SLCO1B1: variants seen among roughly 807,000 people sequenced by gnomAD.
The protein encoded by SLCO1B1 is solute carrier organic anion transporter family member 1B1, also known as OATP-2.
SLCO1B1 carries 81 observed loss-of-function variants against 70.1 expected under a neutral mutation model. That is an observed-to-expected ratio of 1.16 (90% CI 0.97 to 1.39). The LOEUF (loss-of-function observed/expected upper bound fraction) is 1.39, where lower values mean the gene tolerates loss of function less well. Among genes scored for constraint, SLCO1B1 ranks in the 40% most tolerant of loss-of-function variants. The pLI is 0.00. For missense variants in SLCO1B1, 895 were observed against 799.6 expected, an observed-to-expected ratio of 1.12 and a Z score of -1.44; for synonymous variants, 283 against 271.5, an observed-to-expected ratio of 1.04 and a Z score of -0.42.
intron 2 of SLCO1B1, among the ~76,000 whole-genome samples, chr12:21,158,911 A>G (rs577083514): frequency 1.3e-3 from 200 of 152,274 alleles, no homozygotes; most frequent in Admixed American, 2.2e-3. Context: ...TGAGAAAATA[A>G]TGTTCTTCTT....
intron 14 of SLCO1B1, among the ~76,000 whole-genome samples, chr12:21,236,846 G>A (rs1941600594): frequency 6.6e-6 from 1 of 152,118 alleles, no homozygotes; most frequent in African/African-American, 2.4e-5. Flanking sequence ...ATCTTGAAAA[G>A]AACTTGACTT....
intron 11 of SLCO1B1, among the ~76,000 whole-genome samples, chr12:21,214,600 C>A (rs1202715232): frequency 1.5e-5 from 2 of 135,350 alleles, no homozygotes; most frequent in East Asian, 4.8e-4. Flanking sequence ...CCACTTCGAG[C>A]TTCCAGGCCG....
At chr12:21,181,231 T>A (rs1940893685) in intron 7 of SLCO1B1, among the ~76,000 whole-genome samples, 1 of 152,200 alleles carries the variant, frequency 6.6e-6, no homozygotes, top group African/African-American at 2.4e-5. Context: ...TTGTGTAGAA[T>A]TTTTCAATTT....
chr12:21,179,079 A>G, intron 7 of SLCO1B1, 59 bp downstream of exon 7: 1 of 1,045,556 alleles, frequency 9.6e-7, no homozygotes, highest in Non-Finnish European at 1.5e-6. Flanking sequence ...CATGCGAAAA[A>G]CATTTTTTCA....
rs1941626244 is a variant in SLCO1B1 at position 21,239,362 on chromosome 12, A to C, written c.*173A>C. On this transcript the variant is annotated 3_prime_UTR_variant, in exon 15 of 15. Transcript: ENST00000256958. The stretch of plus-strand genomic sequence containing the variant: ...TAATAAAACAAACTGTAGGTAGAAA[A>C]AATGAGAGTACTCATTGTTACATTA... 1 of 606,922 alleles carries C rather than the reference A, an allele frequency of 1.6e-6. No homozygotes were observed. The highest frequency in any genetic ancestry group is 1.8e-5 in the African/African-American group (1 of 54,540). The allele number at this position is 606,922 out of a possible 1,614,324, so 37.6% of individuals were successfully genotyped here. A position where few individuals can be genotyped will look rare whatever the true frequency, so the allele number is the denominator to read the frequency against.
At chr12:21,172,923 G>T in intron 3 of SLCO1B1, 132 bp downstream of exon 3, 1 of 853,668 alleles carries the variant, frequency 1.2e-6, no homozygotes, top group Non-Finnish European at 1.8e-6. Context: ...AACATTTGTG[G>T]TTGTCATAAC....
rs1941370923 is a variant in SLCO1B1, at chr12:21,217,297, T to C, written c.1676T>C (p.Ile559Thr). The C allele has an allele frequency of 2.5e-6, 4 of 1,612,968 alleles. No homozygotes were observed. The South Asian group carries it at 4.4e-5, about 18-fold the overall frequency. ...ALGGTSHVMLIVKIVQPELKS... is the reference protein window; with the variant it reads ...ALGGTSHVMLTVKIVQPELKS... ...GGAGGCACCTCACATGTCATGCTGA[T>C]TGTTAAGTAAGTATGACTTTTAAAA... Residue 559 changes from isoleucine (I) to threonine (T), a missense_variant, in exon 12 of 15, where the codon ATT (isoleucine) becomes ACT (threonine). By Grantham distance (89) the Ile-to-Thr change is moderately conservative. Transcript: ENST00000256958.
intron 8 of SLCO1B1, among the ~76,000 whole-genome samples, chr12:21,198,480 G>A (rs746219082): frequency 1.3e-5 from 2 of 151,986 alleles, no homozygotes; most frequent in Admixed American, 1.3e-4. Flanking sequence ...AACCTATAAG[G>A]AGCGGGGTTG....
intron 11 of SLCO1B1, among the ~76,000 whole-genome samples, chr12:21,210,413 A>G (rs573074332): frequency 2.6e-5 from 3 of 114,266 alleles, no homozygotes; most frequent in African/African-American, 7.1e-5. Context: ...TGTTCCATTG[A>G]TCTATATCTC....
At chr12:21,169,171 CTGTT>C (rs1226748469) in intron 2 of SLCO1B1, among the ~76,000 whole-genome samples, 2 of 152,044 alleles carry the variant, frequency 1.3e-5, no homozygotes, top group Non-Finnish European at 2.9e-5. Context: ...TTAAGAGTCT[CTGTT>C]TGTGTGTAAC....
At chr12:21,158,496 T>G (rs909614157) in intron 2 of SLCO1B1, among the ~76,000 whole-genome samples, 2 of 152,038 alleles carry the variant, frequency 1.3e-5, no homozygotes, top group African/African-American at 4.8e-5. Flanking sequence ...GAGTTCAAGA[T>G]GAGCCTGGCC....
At chr12:21,155,089 C>A (rs1025186531) in intron 2 of SLCO1B1, among the ~76,000 whole-genome samples, 1 of 82,588 alleles carries the variant, frequency 1.2e-5, no homozygotes, top group African/African-American at 3.8e-5. Flanking sequence ...AATGGGCACT[C>A]TCAACCTGCA....
At chr12:21,173,626 TA>T (rs5796891) in intron 3 of SLCO1B1, among the ~76,000 whole-genome samples, 12,223 of 150,688 alleles carry the variant, frequency 0.081, 620 homozygotes, top group Non-Finnish European at 0.11. Flanking sequence ...TTTTATAAAG[TA>T]AAAAAAAAAT....
At chr12:21,168,064 G>A (rs552650943) in intron 2 of SLCO1B1, among the ~76,000 whole-genome samples, 93 of 151,264 alleles carry the variant, frequency 6.1e-4, no homozygotes, top group African/African-American at 2.1e-3. Context: ...CTCGTGATCC[G>A]CCCACCTTGG....
Position 21,239,117 on chromosome 12 carries a change from A to C in SLCO1B1, c.2004A>C (p.Ala668=). Residue 668 remains alanine (A), a synonymous_variant, in exon 15 of 15, where the codon GCA becomes GCC. Transcript: ENST00000256958. ...AAAATGGAAGTGTCATGGATGAAGC[A>C]AACTTAGAATCCTTAAATAAAAATA... The part of the protein sequence containing the change: ...ASENGSVMDE[A]NLESLNKNKH... 1 of 1,613,044 alleles carries C rather than the reference A, an allele frequency of 6.2e-7. No individual in the cohort carries two copies. The highest frequency in any genetic ancestry group is 8.5e-7 in the Non-Finnish European group (1 of 1,179,332).
chr12:21,194,309 G>A (rs11045846), intron 7 of SLCO1B1, among the ~76,000 whole-genome samples: 1,597 of 152,198 alleles, frequency 0.01, 38 homozygotes, highest in South Asian at 0.039. Flanking sequence ...GAGCCACCGC[G>A]CCTGGCCTAT....
chr12:21,230,387 A>G (rs981527280), intron 14 of SLCO1B1, among the ~76,000 whole-genome samples: 3 of 143,180 alleles, frequency 2.1e-5, no homozygotes, highest in African/African-American at 8.0e-5. Flanking sequence ...CTGGAGGGCA[A>G]TGGTGCGATC....
chr12:21,194,069 G>T (rs2121134800), intron 7 of SLCO1B1, among the ~76,000 whole-genome samples: 1 of 152,298 alleles, frequency 6.6e-6, no homozygotes, highest in Admixed American at 6.5e-5. Flanking sequence ...GGGATTACAG[G>T]CGTGAGCCAC....
intron 2 of SLCO1B1, among the ~76,000 whole-genome samples, chr12:21,155,143 A>G (rs1460317912): frequency 6.6e-6 from 1 of 151,446 alleles, no homozygotes; most frequent in African/African-American, 2.4e-5. Context: ...GAAAATTTTC[A>G]TTTATTATTT....
Sources: allele counts gnomAD v4.1 joint callset (sites outside exome capture counted in the v4.1 genomes callset), GRCh38; gene constraint gnomAD v4.1.1; transcripts MANE v1.5; gene names NCBI Gene and HGNC (gene_info 2026-07-23, HGNC 2026-07-21).